The following ZMAT4 variants were observed in gnomAD, a reference collection of about 807,000 sequenced individuals.
ZMAT4 encodes the protein zinc finger matrin-type protein 4.
ZMAT4 carries 17 observed loss-of-function variants against 28.7 expected under a neutral mutation model. The ratio of observed to expected loss-of-function variants is 0.59; its 90% CI spans 0.41 to 0.89. The LOEUF is 0.89. ZMAT4 is among the 40% of genes least tolerant of loss of function. ZMAT4 has a pLI of 0.00. For missense variants in ZMAT4, 240 were observed against 283.8 expected, an observed-to-expected ratio of 0.85 and a Z score of 1.11; for synonymous variants, 117 against 109.2, an observed-to-expected ratio of 1.07 and a Z score of -0.44.
chr8:40,656,852 A>C (rs1434788893), intron 5 of ZMAT4, among the ~76,000 whole-genome samples: 2 of 152,128 alleles, frequency 1.3e-5, no homozygotes, highest in African/African-American at 2.4e-5. Flanking sequence ...ACAGAGATAA[A>C]ACCTAGACTA....
chr8:40,829,804 A>G (rs1235457681), intron 1 of ZMAT4, among the ~76,000 whole-genome samples: 1 of 152,230 alleles, frequency 6.6e-6, no homozygotes, highest in African/African-American at 2.4e-5. Context: ...GGATAGGATT[A>G]GAGTGGAGAG....
intron 6 of ZMAT4, among the ~76,000 whole-genome samples, 196 bp downstream of exon 6, chr8:40,580,967 AAG>A (rs1387282448): frequency 6.6e-6 from 1 of 152,202 alleles, no homozygotes; most frequent in Non-Finnish European, 1.5e-5. Context: ...AAATGAAAAA[AAG>A]AGATTCTTAT....
intron 1 of ZMAT4, among the ~76,000 whole-genome samples, chr8:40,879,946 C>G (rs753597582): frequency 6.6e-6 from 1 of 152,202 alleles, no homozygotes; most frequent in Non-Finnish European, 1.5e-5. Context: ...TAGTTCTCCA[C>G]TGCTGGGGAG....
Position 40,749,655 on chromosome 8 carries a change from A to G in ZMAT4, c.192+17986T>C, listed in dbSNP as rs1190545459. Among the ~76,000 whole-genome samples, 3 of 152,180 alleles carry G rather than the reference A, an allele frequency of 2.0e-5. No individual in the cohort carries two copies. In the East Asian group the frequency reaches 5.8e-4, roughly 29 times the overall value. On this transcript the variant is annotated intron_variant, in intron 3 of 6. Transcript: ENST00000297737. ...AATTCCTTGAGCTACTCTCACAAAA[A>G]ATGTTCTACAGGAACCTGGGACTAC...
At chr8:40,857,172 A>G (rs182411763) in intron 1 of ZMAT4, among the ~76,000 whole-genome samples, 2 of 152,220 alleles carry the variant, frequency 1.3e-5, no homozygotes, top group East Asian at 3.9e-4. Flanking sequence ...GGGTTACAAA[A>G]AAGTATATAA....
intron 3 of ZMAT4, among the ~76,000 whole-genome samples, chr8:40,708,571 TTCTCTCTCTC>T (rs36210172): frequency 0.028 from 3,389 of 120,978 alleles, 133 homozygotes; most frequent in African/African-American, 0.087. Flanking sequence ...TACACACTCT[TTCTCTCTCTC>T]TCTCTCTCTC....
chr8:40,721,323 G>T (rs1285424156), intron 3 of ZMAT4, among the ~76,000 whole-genome samples: 11 of 125,378 alleles, frequency 8.8e-5, no homozygotes, highest in African/African-American at 2.5e-4. Context: ...ATTTTTTATG[G>T]CTGCATAGTA....
intron 5 of ZMAT4, among the ~76,000 whole-genome samples, chr8:40,639,345 G>A (rs1224515345): frequency 6.6e-6 from 1 of 152,136 alleles, no homozygotes; most frequent in East Asian, 1.9e-4. Flanking sequence ...AAATGGCAAA[G>A]CCTGGCTGGG....
At chr8:40,652,290 C>A (rs1467119291) in intron 5 of ZMAT4, among the ~76,000 whole-genome samples, 1 of 110,048 alleles carries the variant, frequency 9.1e-6, no homozygotes, top group African/African-American at 3.2e-5. Flanking sequence ...ACAGACAATT[C>A]TCAAAAGAAG....
chr8:40,614,543 T>G (rs773451054), intron 5 of ZMAT4, among the ~76,000 whole-genome samples: 6 of 152,322 alleles, frequency 3.9e-5, no homozygotes, highest in South Asian at 4.1e-4. Context: ...TCTCCCATTA[T>G]TATTGTGTGG....
At chr8:40,710,222 G>C (rs1302380445) in intron 3 of ZMAT4, among the ~76,000 whole-genome samples, 1 of 152,142 alleles carries the variant, frequency 6.6e-6, no homozygotes, top group African/African-American at 2.4e-5. Flanking sequence ...AATATGTGCT[G>C]CAATAAAGAG....
chr8:40,595,164 C>T (rs1215667730), intron 5 of ZMAT4, among the ~76,000 whole-genome samples: 4 of 152,110 alleles, frequency 2.6e-5, no homozygotes. Flanking sequence ...CCTTGCTTTT[C>T]CTTTCTATCA....
At chr8:40,626,293 A>C (rs922550610) in intron 5 of ZMAT4, among the ~76,000 whole-genome samples, 3 of 151,340 alleles carry the variant, frequency 2.0e-5, no homozygotes, top group Non-Finnish European at 4.4e-5. Flanking sequence ...AGTGAGGAGA[A>C]AACCAGCTAA....
Position 40,789,065 on chromosome 8 carries a change from G to A in ZMAT4, c.103-21335C>T, listed in dbSNP as rs576520410. Among the ~76,000 whole-genome samples, 76 of 144,704 alleles carry A rather than the reference G, an allele frequency of 5.3e-4. 1 individual carries two copies. Among genetic ancestry groups the A allele is most frequent in the Admixed American group, 3.6e-3 (52 of 14,484 alleles). 94.9% of individuals were successfully genotyped at this position (144,704 alleles called of 152,430 possible). A position where few individuals can be genotyped will look rare whatever the true frequency, so the allele number is the denominator to read the frequency against. The stretch of plus-strand genomic sequence containing the variant: ...GGAAGGAGAAGGGAAGGGAAGGGAA[G>A]GGAGGGAAGGGAGTGAGGGAGGGAG... On this transcript the variant is annotated intron_variant, in intron 2 of 6. Transcript: ENST00000297737.
At chr8:40,864,183 G>A (rs113831246) in intron 1 of ZMAT4, among the ~76,000 whole-genome samples, 3,324 of 152,306 alleles carry the variant, frequency 0.022, 92 homozygotes, top group Admixed American at 0.085. Context: ...TTTCATCTTG[G>A]AGCAGAAAGA....
At chr8:40,602,592 G>A (rs1378505421) in intron 5 of ZMAT4, among the ~76,000 whole-genome samples, 1 of 152,032 alleles carries the variant, frequency 6.6e-6, no homozygotes, top group African/African-American at 2.4e-5. Context: ...ATATTGCTTT[G>A]TAGTTTTGAT....
intron 2 of ZMAT4, among the ~76,000 whole-genome samples, chr8:40,801,351 A>ATATATATATATATATATATATATATAT (rs1554559738): frequency 4.3e-4 from 42 of 97,198 alleles, no homozygotes; most frequent in African/African-American, 1.5e-3. Context: ...TAAAAAAAAA[A>ATATATATATATATATATATATATATAT]ATATATATAT....
chr8:40,569,517 C>G (rs1200042443), intron 6 of ZMAT4, among the ~76,000 whole-genome samples: 1 of 152,186 alleles, frequency 6.6e-6, no homozygotes, highest in Non-Finnish European at 1.5e-5. Context: ...AGTCCAGCAG[C>G]CTGGGCTGCT....
intron 6 of ZMAT4, among the ~76,000 whole-genome samples, chr8:40,548,391 C>T (rs1437911628): frequency 6.6e-6 from 1 of 152,160 alleles, no homozygotes; most frequent in African/African-American, 2.4e-5. Flanking sequence ...ATTTTGAAAG[C>T]TTCTTCACAT....
Sources: allele counts gnomAD v4.1 joint callset (sites outside exome capture counted in the v4.1 genomes callset), GRCh38; gene constraint gnomAD v4.1.1; transcripts MANE v1.5; gene names NCBI Gene and HGNC (gene_info 2026-07-23, HGNC 2026-07-21).